The following PCSK1 variants were observed in gnomAD, a reference collection of about 807,000 sequenced individuals.
PCSK1 encodes the protein neuroendocrine convertase 1.
Under a neutral mutation model 90.6 loss-of-function variants are expected in PCSK1, and 56 were observed. That is an observed-to-expected ratio of 0.62 (90% CI 0.50 to 0.77). The LOEUF is 0.77. PCSK1 is among the 30% of genes least tolerant of loss of function. The pLI, the probability that PCSK1 is intolerant of heterozygous loss-of-function variation, is 0.00. For missense variants in PCSK1, 801 were observed against 932.6 expected (o/e 0.86, Z 1.84); for synonymous variants, 348 against 342.4 (o/e 1.02, Z -0.18).
intron 5 of PCSK1, among the ~76,000 whole-genome samples, chr5:96,419,414 CCTCTCTCT>C (rs763565418): frequency 2.3e-5 from 3 of 129,124 alleles, no homozygotes; most frequent in Admixed American, 7.7e-5. Context: ...TCACTTAATA[CCTCTCTCT>C]CTCTCTCTCT....
At chr5:96,425,068 G>GAAAGAA (rs1561376541) in intron 3 of PCSK1, among the ~76,000 whole-genome samples, 1 of 136,366 alleles carries the variant, frequency 7.3e-6, no homozygotes, top group African/African-American at 2.7e-5. Flanking sequence ...AAGAAAGAAA[G>GAAAGAA]AAAGAAAACG....
At chr5:96,395,070 A>C in intron 12 of PCSK1, 45 bp from the exon 13 acceptor site, 1 of 1,426,948 alleles carries the variant, frequency 7.0e-7, no homozygotes, top group Non-Finnish European at 9.9e-7. Context: ...TTTAGATAAT[A>C]TAAAACAAAC....
chr5:96,391,319 A>G lies in PCSK1; in HGVS notation c.*1682T>C, dbSNP rs1343582510. ...GACTCTAGTGTTCTTTTCATGAACC[A>G]GTTCAATGCCATGAATTACCTTATG... On this transcript the variant is annotated 3_prime_UTR_variant, in exon 14 of 14. Transcript: ENST00000311106. 1 of 152,226 alleles carries G rather than the reference A, an allele frequency of 6.6e-6. No individual in the cohort carries two copies. Among genetic ancestry groups the G allele is most frequent in the African/African-American group, 2.4e-5 (1 of 41,462 alleles). 9.4% of individuals were successfully genotyped at this position (152,226 alleles called of 1,614,324 possible). A position where few individuals can be genotyped will look rare whatever the true frequency, so the allele number is the denominator to read the frequency against.
At chr5:96,414,534 G>T (rs979608029) in intron 6 of PCSK1, among the ~76,000 whole-genome samples, 10 of 152,258 alleles carry the variant, frequency 6.6e-5, no homozygotes, top group Non-Finnish European at 1.2e-4. Flanking sequence ...CATACAATAG[G>T]TGCCTAATAA....
At chr5:96,428,832 C>G (rs1428454039) in intron 2 of PCSK1, among the ~76,000 whole-genome samples, 3 of 152,030 alleles carry the variant, frequency 2.0e-5, no homozygotes, top group African/African-American at 4.8e-5. Flanking sequence ...ATAATAGGTA[C>G]CTAATAAAAG....
chr5:96,400,061 A>T lies in PCSK1; in HGVS notation c.1322T>A (p.Phe441Tyr). 7 of 1,614,186 alleles carry T rather than the reference A, an allele frequency of 4.3e-6. No individual in the cohort carries two copies. Among genetic ancestry groups the T allele is most frequent in the Non-Finnish European group, 5.9e-6 (7 of 1,180,028 alleles). ...CAGAGCTTTGGCATTTAGCAAGCCA[A>T]ATCCAAATCGACTATTCACCATCAA... ...AGLMVNSRFG[F>Y]GLLNAKALVD... The change falls in exon 10 of 14, where the codon TTT becomes TAT. Residue 441 changes from phenylalanine to tyrosine, a missense_variant. Transcript: ENST00000311106.
intron 5 of PCSK1, among the ~76,000 whole-genome samples, chr5:96,419,074 A>G (rs1761028311): frequency 6.6e-6 from 1 of 152,032 alleles, no homozygotes. Context: ...CTTGTCACAC[A>G]TGTTATTTAA....
chr5:96,408,413 C>T (rs1469124207), intron 8 of PCSK1, 90 bp from the exon 9 acceptor site: 2 of 870,130 alleles, frequency 2.3e-6, no homozygotes, highest in East Asian at 5.2e-5. Context: ...AAGGCTGCAT[C>T]TGCTATGACC....
At chr5:96,412,939 TCC>T in intron 6 of PCSK1, 1 of 961,294 alleles carries the variant, frequency 1.0e-6, no homozygotes, top group Non-Finnish European at 1.2e-6. Context: ...AGAAAGACCC[TCC>T]AAGCAGCCCT....
intron 6 of PCSK1, among the ~76,000 whole-genome samples, chr5:96,413,894 C>T (rs573682315): frequency 2.2e-4 from 30 of 137,752 alleles, no homozygotes; most frequent in Non-Finnish European, 3.3e-4. Context: ...CCGAGGCGGG[C>T]GGATCACGAG....
intron 4 of PCSK1, 37 bp from the exon 5 acceptor site, chr5:96,421,993 TAAAA>T (rs11317408): frequency 0.031 from 10,935 of 349,540 alleles, no homozygotes; most frequent in East Asian, 0.052. Context: ...GTGGCAGCAT[TAAAA>T]AAAAAAAAAA....
intron 3 of PCSK1, among the ~76,000 whole-genome samples, chr5:96,425,012 GAAAGAAAGAAAGAAA>G: frequency 1.0e-4 from 2 of 19,740 alleles, no homozygotes; most frequent in African/African-American, 3.4e-4. Flanking sequence ...AGAAAGAAAA[GAAAGAAAGAAAGAAA>G]GAAAGAAAGA....
intron 1 of PCSK1, chr5:96,432,027 G>A (rs1761518998): frequency 7.9e-7 from 1 of 1,263,408 alleles, no homozygotes; most frequent in Non-Finnish European, 1.1e-6. Flanking sequence ...TATCGACCAA[G>A]CCTTCACTTG....
At chr5:96,410,699 CAGTT>C in intron 8 of PCSK1, 71 bp downstream of exon 8, 5 of 1,172,180 alleles carry the variant, frequency 4.3e-6, no homozygotes, top group Non-Finnish European at 6.4e-6. Context: ...TACCAAAGGT[CAGTT>C]AGGGGAATCA....
At chr5:96,397,222 C>G (rs1760183298) in intron 12 of PCSK1, 114 bp downstream of exon 12, 1 of 889,104 alleles carries the variant, frequency 1.1e-6, no homozygotes, top group Non-Finnish European at 1.8e-6. Flanking sequence ...CTTACTTCTA[C>G]TAAGAAGGGG....
chr5:96,409,270 T>C (rs938193159), intron 8 of PCSK1, among the ~76,000 whole-genome samples: 2 of 152,082 alleles, frequency 1.3e-5, no homozygotes. Flanking sequence ...GAGATTTCGA[T>C]GTGTGGGAGG....
chr5:96,414,465 A>G (rs1223570010), intron 6 of PCSK1, among the ~76,000 whole-genome samples: 2 of 152,242 alleles, frequency 1.3e-5, no homozygotes, highest in African/African-American at 4.8e-5. Context: ...CTACAAATCT[A>G]GCCCCTAAAT....
intron 6 of PCSK1, among the ~76,000 whole-genome samples, chr5:96,412,750 A>ATTTTT (rs1451878228): frequency 4.7e-5 from 3 of 63,410 alleles, no homozygotes; most frequent in African/African-American, 2.4e-4. Context: ...GGCAGCTGTG[A>ATTTTT]TGTTTTTTTT....
At chr5:96,405,629 C>T (rs2112410472) in intron 9 of PCSK1, among the ~76,000 whole-genome samples, 1 of 152,168 alleles carries the variant, frequency 6.6e-6, no homozygotes, top group East Asian at 1.9e-4. Flanking sequence ...CGAGATCTTG[C>T]CACTGCACTC....
Sources: gnomAD v4.1 joint callset for allele counts (sites outside exome capture counted in the v4.1 genomes callset) on GRCh38, gnomAD v4.1.1 for gene constraint, MANE v1.5 for transcripts, NCBI Gene and HGNC (gene_info 2026-07-23, HGNC 2026-07-21) for gene names.